DCHS2: variants seen among roughly 807,000 people sequenced by gnomAD.
DCHS2 encodes the protein protocadherin-23.
Under a neutral mutation model 182.4 loss-of-function variants are expected in DCHS2, and 142 were observed. That is an observed-to-expected ratio of 0.78 (90% confidence interval 0.68 to 0.89). The LOEUF is 0.89. Among genes scored for constraint, DCHS2 ranks in the 40% least tolerant of loss-of-function variants. DCHS2 has a pLI of 0.00. For missense variants in DCHS2, 4,319 were observed against 4,198.6 expected, an observed-to-expected ratio of 1.03 and a Z score of -0.79; for synonymous variants, 1,740 against 1,663.3, an observed-to-expected ratio of 1.05 and a Z score of -1.12.
At chr4:154,265,097 T>C (rs1238047522) in intron 14 of DCHS2, among the ~76,000 whole-genome samples, 1 of 152,220 alleles carries the variant, frequency 6.6e-6, no homozygotes, top group East Asian at 1.9e-4. Flanking sequence ...TTTTCAGATA[T>C]GATTTTATGT....
At chr4:154,442,260 A>G (rs1734050534) in intron 1 of DCHS2, among the ~76,000 whole-genome samples, 1 of 152,020 alleles carries the variant, frequency 6.6e-6, no homozygotes, top group Non-Finnish European at 1.5e-5. Context: ...TGTCTCCCCT[A>G]CGTGACTTTC....
rs909233852 is a variant in DCHS2, at chr4:154,489,559, G to A, written c.1797C>T (p.Thr599=). The A allele has an allele frequency of 6.4e-6, 10 of 1,551,178 alleles. No individual in the cohort carries two copies. Among genetic ancestry groups the A allele is most frequent in the East Asian group, 2.4e-5 (1 of 40,874 alleles). The part of the protein sequence containing the change: ...LGSLQSKMVH[T]AECGPSFAID... ...TGGCAAAAGATGGTCCACACTCTGC[G>A]GTGTGGACCATCTTTGATTGCAGGG... is the stretch of plus-strand genomic sequence containing the variant. The change falls in exon 1 of 20, where the codon ACC becomes ACT. Residue 599 remains threonine, a synonymous_variant. Transcript: ENST00000357232.
chr4:154,272,761 T>A (rs1489173351), intron 13 of DCHS2, among the ~76,000 whole-genome samples: 2 of 152,178 alleles, frequency 1.3e-5, no homozygotes, highest in African/African-American at 4.8e-5. Flanking sequence ...ACTGATAACA[T>A]CCACATTGAT....
intron 1 of DCHS2, among the ~76,000 whole-genome samples, chr4:154,424,532 ATC>A (rs1307883096): frequency 2.6e-5 from 4 of 152,194 alleles, no homozygotes; most frequent in Non-Finnish European, 5.9e-5. Context: ...CTAAAATGAG[ATC>A]TCTTTTGAGA....
chr4:154,377,987 C>T (rs1473816095), intron 1 of DCHS2, among the ~76,000 whole-genome samples: 1 of 152,114 alleles, frequency 6.6e-6, no homozygotes, highest in East Asian at 1.9e-4. Flanking sequence ...AGTTGAGTCT[C>T]CCTGGCCAGC....
chr4:154,367,275 A>C (rs1730428028), intron 2 of DCHS2, among the ~76,000 whole-genome samples: 1 of 152,176 alleles, frequency 6.6e-6, no homozygotes, highest in African/African-American at 2.4e-5. Flanking sequence ...TGCAGTGTTC[A>C]GAACAGACCG....
intron 1 of DCHS2, among the ~76,000 whole-genome samples, chr4:154,430,834 T>C (rs1297005879): frequency 6.6e-6 from 1 of 152,174 alleles, no homozygotes; most frequent in African/African-American, 2.4e-5. Context: ...AAGACCATCC[T>C]ACCCTGTGGC....
chr4:154,367,382 A>G (rs1579013282), intron 2 of DCHS2, among the ~76,000 whole-genome samples: 1 of 152,258 alleles, frequency 6.6e-6, no homozygotes, highest in Non-Finnish European at 1.5e-5. Context: ...GGAGCAGTGC[A>G]GGTACTCATC....
chr4:154,251,101 G>A (rs1732330889), intron 16 of DCHS2, among the ~76,000 whole-genome samples: 2 of 152,086 alleles, frequency 1.3e-5, no homozygotes, highest in South Asian at 4.1e-4. Context: ...TGTGTATTTT[G>A]AAAAAGATAA....
At chr4:154,241,217 C>A (rs1731809977) in intron 17 of DCHS2, among the ~76,000 whole-genome samples, 1 of 152,082 alleles carries the variant, frequency 6.6e-6, no homozygotes, top group South Asian at 2.1e-4. Flanking sequence ...GACATTAATA[C>A]AAAACATGGC....
intron 1 of DCHS2, among the ~76,000 whole-genome samples, chr4:154,396,840 C>T (rs555278017): frequency 1.1e-4 from 17 of 152,268 alleles, no homozygotes; most frequent in Admixed American, 4.6e-4. Context: ...CCCAGATGCC[C>T]GCAGCTGAGG....
intron 1 of DCHS2, among the ~76,000 whole-genome samples, chr4:154,395,895 G>T (rs1731909532): frequency 6.6e-6 from 1 of 152,178 alleles, no homozygotes; most frequent in Non-Finnish European, 1.5e-5. Context: ...AACTCAACTT[G>T]TCTCTATGTG....
rs1432543677 is a variant in DCHS2 at position 154,301,688 on chromosome 4, G to A, written c.5606-2980C>T. On this transcript the variant is annotated intron_variant, in intron 12 of 19. Transcript: ENST00000357232. ...CTAATTTTGTATTTTTAGTAGAGAC[G>A]AGGTTTCTCCATGTTGGTCAGGCTG... 5.3e-5 allele frequency among the ~76,000 whole-genome samples: 8 copies of A among 151,948 alleles called. No homozygotes were observed. In the South Asian group the frequency reaches 1.0e-3, roughly 20 times the overall value.
rs77248579 is a variant in DCHS2 at position 154,239,328 on chromosome 4, A to G, written c.7360-26T>C. The G allele has an allele frequency of 7.2e-4, 1,157 of 1,610,760 alleles. 7 individuals carry two copies. The African/African-American group carries it at 0.013, about 19-fold the overall frequency. On this transcript the variant is annotated intron_variant, in intron 18 of 19. Transcript: ENST00000357232. ...CTGAGGGAAAAAGAGAAAAATAGGG[A>G]CATTGTGCTTAAAGGCTGAAGGTAT...
intron 3 of DCHS2, among the ~76,000 whole-genome samples, chr4:154,335,670 T>C (rs1469294036): frequency 6.6e-6 from 1 of 151,904 alleles, no homozygotes; most frequent in Non-Finnish European, 1.5e-5. Context: ...AGTCTCCTCA[T>C]ACATACACAC....
intron 3 of DCHS2, among the ~76,000 whole-genome samples, chr4:154,365,806 G>A (rs1183870693): frequency 3.3e-5 from 5 of 151,250 alleles, no homozygotes; most frequent in South Asian, 2.1e-4. Flanking sequence ...CCACCACCAC[G>A]TCCGGCTAAT....
chr4:154,335,146 A>G (rs1238792033), intron 3 of DCHS2, 42 bp from the exon 4 acceptor site: 5 of 1,266,356 alleles, frequency 3.9e-6, no homozygotes, highest in Non-Finnish European at 4.6e-6. Flanking sequence ...GATAACATGT[A>G]ATAAATACTG....
At chr4:154,371,797 T>C (rs1472568946) in intron 2 of DCHS2, among the ~76,000 whole-genome samples, 1 of 152,012 alleles carries the variant, frequency 6.6e-6, no homozygotes, top group East Asian at 1.9e-4. Flanking sequence ...CTACACACTT[T>C]TAAATAACCA....
chr4:154,241,728 T>A (rs553878760), intron 17 of DCHS2, among the ~76,000 whole-genome samples: 20 of 152,196 alleles, frequency 1.3e-4, no homozygotes, highest in Non-Finnish European at 2.8e-4. Context: ...ATTGCTATAT[T>A]TTAACACTAA....
Sources: gnomAD v4.1 joint callset for allele counts (sites outside exome capture counted in the v4.1 genomes callset) on GRCh38, gnomAD v4.1.1 for gene constraint, MANE v1.5 for transcripts, NCBI Gene and HGNC (gene_info 2026-07-23, HGNC 2026-07-21) for gene names.